Variants in SHISAL1 observed in about 807,000 individuals in gnomAD.
SHISAL1 encodes the protein protein shisa-like-1.
A neutral mutation model predicts 22.6 loss-of-function variants in SHISAL1; 9 were observed. The ratio of observed to expected loss-of-function variants is 0.40; its 90% CI spans 0.24 to 0.70. The LOEUF (loss-of-function observed/expected upper bound fraction) is 0.70. Among genes scored for constraint, SHISAL1 ranks in the 30% least tolerant of loss-of-function variants. The pLI is 0.39. For synonymous variants in SHISAL1, 119 were observed against 115.4 expected, an observed-to-expected ratio of 1.03 and a Z score of -0.20; for missense variants, 246 against 270.6, an observed-to-expected ratio of 0.91 and a Z score of 0.64.
chr22:44,322,168 C>T, the SHISAL1 span, among the ~76,000 whole-genome samples: 1 of 152,248 alleles, frequency 6.6e-6, no homozygotes, highest in East Asian at 1.9e-4. Flanking sequence ...CCTCTCTGAG[C>T]TCCTAGTGAG....
intron 4 of SHISAL1, among the ~76,000 whole-genome samples, chr22:44,272,970 G>A (rs1270621700): frequency 6.6e-6 from 1 of 152,214 alleles, no homozygotes; most frequent in Admixed American, 6.5e-5. Flanking sequence ...GGTGGCACAT[G>A]CCTGTAGTCC....
intron 2 of SHISAL1, among the ~76,000 whole-genome samples, chr22:44,300,152 G>C (rs1411213094): frequency 6.6e-6 from 1 of 151,594 alleles, no homozygotes; most frequent in Non-Finnish European, 1.5e-5. Context: ...GAAACAGAGA[G>C]AGACAGAGAC....
intron 4 of SHISAL1, among the ~76,000 whole-genome samples, chr22:44,284,915 C>CT (rs1168459001): frequency 6.6e-6 from 1 of 151,814 alleles, no homozygotes; most frequent in East Asian, 1.9e-4. Context: ...TCCTTCCTTC[C>CT]TTCCTTCCTT....
chr22:44,275,159 G>A (rs2055231019), intron 4 of SHISAL1, among the ~76,000 whole-genome samples: 1 of 152,220 alleles, frequency 6.6e-6, no homozygotes. Flanking sequence ...CCCTCCTCTG[G>A]TGGGGAGTGG....
chr22:44,314,189 C>T (rs954899422), upstream of SHISAL1, among the ~76,000 whole-genome samples: 3 of 10,710 alleles, frequency 2.8e-4, no homozygotes, highest in East Asian at 2.1e-3. Flanking sequence ...AAGGATGAGT[C>T]GGGCGGTGGG....
chr22:44,280,025 G>A (rs2055265247), intron 4 of SHISAL1, among the ~76,000 whole-genome samples: 1 of 152,160 alleles, frequency 6.6e-6, no homozygotes, highest in Non-Finnish European at 1.5e-5. Context: ...AGGGCTTGGG[G>A]GCTGGGAGGG....
At chr22:44,316,043 C>A (rs1439477593), upstream of SHISAL1, among the ~76,000 whole-genome samples, 3 of 152,186 alleles carry the variant, frequency 2.0e-5, no homozygotes, top group Admixed American at 6.5e-5. Context: ...TCTGCAGTGC[C>A]CGTGACAGAC....
At chr22:44,258,030 C>T (rs996151851) in intron 4 of SHISAL1, among the ~76,000 whole-genome samples, 1 of 152,188 alleles carries the variant, frequency 6.6e-6, no homozygotes, top group African/African-American at 2.4e-5. Flanking sequence ...ATCACAGCTA[C>T]TCGGGAGGCT....
Position 44,284,526 on chromosome 22 carries a change from T to C in SHISAL1, c.599+902A>G, listed in dbSNP as rs112010459. Among the ~76,000 whole-genome samples, 110 of 152,248 alleles carry C rather than the reference T, an allele frequency of 7.2e-4. 2 individuals are homozygous for C. Among genetic ancestry groups the C allele is most frequent in the African/African-American group, 2.4e-3 (100 of 41,534 alleles). On this transcript the variant is annotated intron_variant, in intron 4 of 4. Coordinates refer to ENST00000381176, the MANE Select transcript of SHISAL1 (RefSeq NM_001099294.2). The stretch of plus-strand genomic sequence containing the variant: ...TGGGATGGGTCTTGCAGCCTGGGCT[T>C]GGTATCATGATGTCCCTGGATGACG...
At chr22:44,279,760 G>A (rs914695587) in intron 4 of SHISAL1, among the ~76,000 whole-genome samples, 2 of 152,184 alleles carry the variant, frequency 1.3e-5, no homozygotes, top group African/African-American at 2.4e-5. Context: ...CAGGGTGACG[G>A]AGCCAGCACT....
At chr22:44,308,770 C>A (rs2055496931) in intron 1 of SHISAL1, among the ~76,000 whole-genome samples, 1 of 151,230 alleles carries the variant, frequency 6.6e-6, no homozygotes, top group African/African-American at 2.4e-5. Flanking sequence ...GCATGGGCTG[C>A]CGAGGGTGGC....
the SHISAL1 span, among the ~76,000 whole-genome samples, chr22:44,329,272 G>A: frequency 6.6e-6 from 1 of 152,146 alleles, no homozygotes; most frequent in Non-Finnish European, 1.5e-5. Flanking sequence ...CCGGTAACTG[G>A]GAGTGGCTCT....
At chr22:44,298,245 C>T (rs528717480) in intron 2 of SHISAL1, among the ~76,000 whole-genome samples, 6 of 152,242 alleles carry the variant, frequency 3.9e-5, no homozygotes, top group Non-Finnish European at 8.8e-5. Flanking sequence ...CCCAAGTAGA[C>T]AGCTGTCTCA....
At chr22:44,263,514 C>A (rs111546121) in intron 4 of SHISAL1, among the ~76,000 whole-genome samples, 12 of 152,340 alleles carry the variant, frequency 7.9e-5, no homozygotes, top group Middle Eastern at 3.4e-3. Context: ...CCAAGGAACA[C>A]TGCCTCAACA....
chr22:44,251,024 C>A (rs1050477013), intron 4 of SHISAL1, among the ~76,000 whole-genome samples: 4 of 152,224 alleles, frequency 2.6e-5, no homozygotes, highest in African/African-American at 9.6e-5. Flanking sequence ...ATCTCCTCTG[C>A]TTCATAGAAC....
intron 4 of SHISAL1, among the ~76,000 whole-genome samples, chr22:44,275,449 T>G (rs1380132157): frequency 6.6e-6 from 1 of 152,158 alleles, no homozygotes; most frequent in East Asian, 1.9e-4. Context: ...AGAGAGGACT[T>G]GTTTCACTGA....
upstream of SHISAL1, among the ~76,000 whole-genome samples, chr22:44,317,242 A>C (rs2055563604): frequency 6.6e-6 from 1 of 152,166 alleles, no homozygotes; most frequent in African/African-American, 2.4e-5. Flanking sequence ...CCGGGCCAGG[A>C]TGGAAGGACG....
the SHISAL1 span, among the ~76,000 whole-genome samples, chr22:44,325,354 G>A: frequency 6.6e-6 from 1 of 152,188 alleles, no homozygotes; most frequent in Non-Finnish European, 1.5e-5. Flanking sequence ...GGCAGAGAGA[G>A]GCTCCATCAG....
intron 1 of SHISAL1, among the ~76,000 whole-genome samples, chr22:44,312,482 C>T (rs1252301769): frequency 1.3e-5 from 2 of 152,180 alleles, no homozygotes; most frequent in East Asian, 1.9e-4. Flanking sequence ...CAAGGTCACA[C>T]AGCAGGTAGG....
Sources: allele counts gnomAD v4.1 joint callset (sites outside exome capture counted in the v4.1 genomes callset), GRCh38; gene constraint gnomAD v4.1.1; transcripts MANE v1.5; gene names NCBI Gene and HGNC (gene_info 2026-07-23, HGNC 2026-07-21).